CCNY: variants seen among roughly 807,000 people sequenced by gnomAD.
The protein encoded by CCNY is cyclin-Y.
CCNY carries 19 observed loss-of-function variants against 42.8 expected under a neutral mutation model. That is an observed-to-expected ratio of 0.44 (90% CI 0.31 to 0.65). The LOEUF (loss-of-function observed/expected upper bound fraction) is 0.65. Among genes scored for constraint, CCNY ranks in the 30% least tolerant of loss-of-function variants. The pLI, the probability that CCNY is intolerant of heterozygous loss-of-function variation, is 0.07. For synonymous variants in CCNY, 165 were observed against 162.7 expected, an observed-to-expected ratio of 1.01 and a Z score of -0.11; for missense variants, 370 against 437.3, an observed-to-expected ratio of 0.85 and a Z score of 1.37.
At chr10:35,397,013 G>A (rs1484645243) in intron 1 of CCNY, among the ~76,000 whole-genome samples, 1 of 152,198 alleles carries the variant, frequency 6.6e-6, no homozygotes, top group Non-Finnish European at 1.5e-5. Context: ...CTCAGAGGGA[G>A]CAGGTTCTTA....
At chr10:35,252,925 T>C (rs2095712966) in intron 3 of CCNY, among the ~76,000 whole-genome samples, 1 of 152,168 alleles carries the variant, frequency 6.6e-6, no homozygotes, top group African/African-American at 2.4e-5. Context: ...AAGTCCTCAT[T>C]TAGAAAAATT....
At chr10:35,472,792 A>T (rs1839416634) in intron 1 of CCNY, among the ~76,000 whole-genome samples, 1 of 152,170 alleles carries the variant, frequency 6.6e-6, no homozygotes, top group South Asian at 2.1e-4. Context: ...CTCACCATTA[A>T]TCGACTGTAG....
intron 2 of CCNY, among the ~76,000 whole-genome samples, chr10:35,485,454 G>A (rs745615393): frequency 3.3e-5 from 5 of 152,182 alleles, no homozygotes; most frequent in African/African-American, 9.7e-5. Context: ...GGCTGGGCGC[G>A]GTGGCTCACG....
intron 5 of CCNY, among the ~76,000 whole-genome samples, chr10:35,529,481 G>A (rs1840719492): frequency 6.6e-6 from 1 of 151,968 alleles, no homozygotes; most frequent in African/African-American, 2.4e-5. Context: ...ATTTCCTTGG[G>A]CTATTTTAAT....
At chr10:35,542,288 A>G (rs772461878) in intron 7 of CCNY, among the ~76,000 whole-genome samples, 2 of 151,348 alleles carry the variant, frequency 1.3e-5, no homozygotes, top group East Asian at 1.9e-4. Context: ...CTGGGATTGT[A>G]TGTTTTTTTG....
intron 1 of CCNY, among the ~76,000 whole-genome samples, chr10:35,455,173 A>C (rs117744253): frequency 1.3e-5 from 2 of 152,190 alleles, no homozygotes; most frequent in African/African-American, 4.8e-5. Flanking sequence ...AGCATTTCCT[A>C]TTTTCAGCCT....
intron 2 of CCNY, among the ~76,000 whole-genome samples, chr10:35,494,582 C>T (rs759984935): frequency 6.6e-6 from 1 of 151,876 alleles, no homozygotes; most frequent in Non-Finnish European, 1.5e-5. Flanking sequence ...AAGGAAGTTG[C>T]CTAAAAATGA....
intron 3 of CCNY, among the ~76,000 whole-genome samples, chr10:35,511,565 C>T (rs572945088): frequency 3.3e-5 from 5 of 152,248 alleles, no homozygotes; most frequent in Admixed American, 1.3e-4. Context: ...GAGGGAGGCA[C>T]GGACTTGGTA....
chr10:35,394,662 G>T (rs1478757412), intron 1 of CCNY, among the ~76,000 whole-genome samples: 1 of 152,208 alleles, frequency 6.6e-6, no homozygotes, highest in Non-Finnish European at 1.5e-5. Context: ...GTATGCTGTC[G>T]CATAGACACT....
intron 1 of CCNY, among the ~76,000 whole-genome samples, chr10:35,412,117 A>C (rs113105865): frequency 6.6e-6 from 1 of 152,126 alleles, no homozygotes; most frequent in African/African-American, 2.4e-5. Flanking sequence ...CCTCCATCTA[A>C]TTGGCTGAGG....
intron 3 of CCNY, among the ~76,000 whole-genome samples, chr10:35,287,490 C>T (rs1435761489): frequency 6.6e-6 from 1 of 152,150 alleles, no homozygotes; most frequent in African/African-American, 2.4e-5. Context: ...TTCAATCAAT[C>T]CTTCCACCAT....
chr10:35,465,938 A>AGAGAGAGAGAGAGAGAGAGTGTGTGT, intron 1 of CCNY, among the ~76,000 whole-genome samples: 21 of 81,002 alleles, frequency 2.6e-4, no homozygotes, highest in South Asian at 2.0e-3. Flanking sequence ...AGAGAGAGAG[A>AGAGAGAGAGAGAGAGAGAGTGTGTGT]GTGTGTGTGT....
intron 1 of CCNY, among the ~76,000 whole-genome samples, chr10:35,341,293 G>T (rs891548071): frequency 6.6e-6 from 1 of 152,066 alleles, no homozygotes; most frequent in Admixed American, 6.5e-5. Context: ...TGCTCTCTTG[G>T]CTGAGTCCCT....
chr10:35,468,867 C>A (rs147718707), intron 1 of CCNY, among the ~76,000 whole-genome samples: 58 of 152,282 alleles, frequency 3.8e-4, no homozygotes, highest in African/African-American at 1.2e-3. Flanking sequence ...GGAGATTGGG[C>A]AGTTGCTCCC....
At chr10:35,431,406 CTCTCTCTCT>C (rs1564408590) in intron 1 of CCNY, among the ~76,000 whole-genome samples, 1 of 3,128 alleles carries the variant, frequency 3.2e-4, no homozygotes, top group African/African-American at 6.7e-4. Context: ...CCCCTCCTCT[CTCTCTCTCT>C]CTCTCTCTCT....
chr10:35,472,742 C>T (rs1482918546), intron 1 of CCNY, among the ~76,000 whole-genome samples: 1 of 152,152 alleles, frequency 6.6e-6, no homozygotes, highest in Non-Finnish European at 1.5e-5. Flanking sequence ...ATAGAAATGT[C>T]ATAGGATGCA....
intron 1 of CCNY, among the ~76,000 whole-genome samples, chr10:35,383,443 G>A (rs554613750): frequency 1.3e-5 from 2 of 152,106 alleles, no homozygotes; most frequent in Non-Finnish European, 2.9e-5. Context: ...GAGTAGCTGG[G>A]ATTACAGGCA....
At chr10:35,352,799 G>T (rs955071182) in intron 1 of CCNY, among the ~76,000 whole-genome samples, 2 of 152,220 alleles carry the variant, frequency 1.3e-5, no homozygotes, top group Non-Finnish European at 2.9e-5. Context: ...AGCGCTGCCT[G>T]ATTAGTGAGG....
At chr10:35,543,654 T>TA (rs1841050577) in intron 7 of CCNY, among the ~76,000 whole-genome samples, 2 of 152,206 alleles carry the variant, frequency 1.3e-5, no homozygotes, top group Non-Finnish European at 2.9e-5. Flanking sequence ...ATGTGTTTAC[T>TA]ATACTATACT....
Sources: allele counts gnomAD v4.1 joint callset (sites outside exome capture counted in the v4.1 genomes callset), GRCh38; gene constraint gnomAD v4.1.1; transcripts MANE v1.5; gene names NCBI Gene and HGNC (gene_info 2026-07-23, HGNC 2026-07-21).